The following TCN2 variants were observed in gnomAD, a reference collection of about 807,000 sequenced individuals.
The protein encoded by TCN2 is transcobalamin-2.
TCN2 carries 34 observed loss-of-function variants against 48.6 expected under a neutral mutation model. The ratio of observed to expected loss-of-function variants is 0.70; its 90% CI spans 0.53 to 0.93. The LOEUF (loss-of-function observed/expected upper bound fraction) is 0.93. TCN2 is among the 40% of genes least tolerant of loss of function. TCN2 has a pLI of 0.00. For synonymous variants in TCN2, 283 were observed against 212.5 expected (o/e 1.33, Z -2.89); for missense variants, 652 against 526.1 (o/e 1.24, Z -2.34).
chr22:30,623,211 T>G, intron 8 of TCN2, 128 bp downstream of exon 8: 1 of 826,724 alleles, frequency 1.2e-6, no homozygotes, highest in Non-Finnish European at 2.0e-6. Context: ...TCACTGATGC[T>G]CAAAGTTGGA....
intron 7 of TCN2, among the ~76,000 whole-genome samples, chr22:30,619,403 A>G (rs767219510): frequency 1.3e-5 from 2 of 152,232 alleles, no homozygotes; most frequent in East Asian, 1.9e-4. Context: ...TTATTATGAA[A>G]TAAGTTTGGC....
intron 8 of TCN2, among the ~76,000 whole-genome samples, chr22:30,625,047 T>G (rs1218683494): frequency 6.6e-6 from 1 of 152,052 alleles, no homozygotes; most frequent in Non-Finnish European, 1.5e-5. Context: ...TGAAACCCTG[T>G]CTCTACTAAA....
chr22:30,614,591 T>A (rs1166914033), intron 4 of TCN2, 90 bp downstream of exon 4: 7 of 1,557,142 alleles, frequency 4.5e-6, no homozygotes, highest in Non-Finnish European at 6.1e-6. Flanking sequence ...GCCCCCACAC[T>A]CACCTTTCCT....
intron 8 of TCN2, among the ~76,000 whole-genome samples, chr22:30,623,949 T>TATATACACACAC (rs1555896286): frequency 1.5e-5 from 1 of 68,064 alleles, no homozygotes; most frequent in Admixed American, 1.6e-4. Flanking sequence ...CACACACACA[T>TATATACACACAC]ATGTATACAT....
intron 6 of TCN2, 145 bp from the exon 7 acceptor site, chr22:30,617,185 C>T (rs2145547733): frequency 2.7e-6 from 3 of 1,124,348 alleles, no homozygotes; most frequent in East Asian, 2.6e-5. Context: ...AGCCAGGTTT[C>T]AGCTGAGCAG....
intron 2 of TCN2, among the ~76,000 whole-genome samples, chr22:30,611,879 G>A (rs1384349510): frequency 6.6e-6 from 1 of 152,156 alleles, no homozygotes; most frequent in African/African-American, 2.4e-5. Flanking sequence ...TGAATGAGAG[G>A]CGAAGAATCA....
rs1004128730 is a variant in TCN2, at chr22:30,614,568, C to T, written c.580+67C>T. ...TCAGTCCCCAGGTCTGCACTGATGACCTCCATACCCTGGCCCCCACACTCA... is the reference window on the plus strand; with the variant it reads ...TCAGTCCCCAGGTCTGCACTGATGATCTCCATACCCTGGCCCCCACACTCA... On this transcript the variant is annotated intron_variant, in intron 4 of 8. Transcript: ENST00000215838. 9.3e-5 allele frequency: 149 copies of T among 1,600,160 alleles called. 7 individuals are homozygous for T. The South Asian group carries it at 1.3e-3, about 14-fold the overall frequency.
intron 2 of TCN2, among the ~76,000 whole-genome samples, chr22:30,611,668 C>T (rs1464754565): frequency 6.6e-6 from 1 of 152,180 alleles, no homozygotes; most frequent in Non-Finnish European, 1.5e-5. Context: ...CCACCATGCC[C>T]AGCTGATTTT....
intron 3 of TCN2, among the ~76,000 whole-genome samples, chr22:30,613,501 A>C (rs991100267): frequency 6.6e-6 from 1 of 151,878 alleles, no homozygotes; most frequent in Non-Finnish European, 1.5e-5. Context: ...CTGGTCTCGA[A>C]CTCCTGACCT....
chr22:30,614,200 AGCACGT>A (rs2145542329), intron 3 of TCN2, 143 bp from the exon 4 acceptor site: 2 of 1,054,956 alleles, frequency 1.9e-6, no homozygotes, highest in Non-Finnish European at 1.4e-6. Context: ...GTGAGACCTC[AGCACGT>A]ATGGGCTGAG....
At chr22:30,622,599 C>T (rs2087714888) in intron 7 of TCN2, among the ~76,000 whole-genome samples, 3 of 152,272 alleles carry the variant, frequency 2.0e-5, no homozygotes, top group Middle Eastern at 3.4e-3. Context: ...GCAGGCTTCA[C>T]CCTCTCTCGT....
At chr22:30,614,302 G>T in intron 3 of TCN2, 47 bp from the exon 4 acceptor site, 3 of 1,599,562 alleles carry the variant, frequency 1.9e-6, no homozygotes, top group African/African-American at 1.3e-5. Context: ...GGGGCTGGCT[G>T]CTGGGTGGGG....
chr22:30,607,403 A>T lies in TCN2; in HGVS notation c.64+8A>T. 1 of 1,613,880 alleles carries T rather than the reference A, an allele frequency of 6.2e-7. No homozygotes were observed. The highest frequency in any genetic ancestry group is 8.5e-7 in the Non-Finnish European group (1 of 1,179,976). ...CCCTCACTGAGATGTGTGGTGAGTA[A>T]CTCGCCTCTATCCTGTGCCTCTTTC... On this transcript the variant is annotated splice_region_variant and intron_variant, in intron 1 of 8. Coordinates refer to ENST00000215838, the MANE Select transcript of TCN2 (RefSeq NM_000355.4).
chr22:30,610,253 T>TA (rs745688363), intron 1 of TCN2: 1 of 471,164 alleles, frequency 2.1e-6, no homozygotes, highest in Non-Finnish European at 4.4e-6. Flanking sequence ...GGAAAGGCGT[T>TA]ATTTTGAGAT....
At chr22:30,622,931 C>T (rs368408985) in intron 7 of TCN2, 37 bp from the exon 8 acceptor site, 47 of 1,602,420 alleles carry the variant, frequency 2.9e-5, no homozygotes, top group Non-Finnish European at 3.8e-5. Flanking sequence ...GGACAACAGC[C>T]ACCTCTTCTC....
chr22:30,611,397 A>G (rs1196572794), intron 2 of TCN2, among the ~76,000 whole-genome samples: 1 of 152,188 alleles, frequency 6.6e-6, no homozygotes, highest in African/African-American at 2.4e-5. Flanking sequence ...CTAATCGATG[A>G]CTGCAGTCTT....
chr22:30,615,462 T>C lies in TCN2; in HGVS notation c.742T>C (p.Leu248=), dbSNP rs963691753. The C allele has an allele frequency of 9.3e-6, 15 of 1,613,988 alleles. No homozygotes were observed. The highest frequency in any genetic ancestry group is 1.2e-5 in the Non-Finnish European group (14 of 1,180,020). ...CTTTGGGAATGTCTACAGCACCCCA[T>C]TGGCATTACAGGTGGGAAAGAGACC... is the stretch of plus-strand genomic sequence containing the variant. ...GHFGNVYSTP[L]ALQFLMTSPM... Residue 248 remains leucine, a synonymous_variant, in exon 5 of 9, where the codon TTG becomes CTG. Transcript: ENST00000215838.
In TCN2 at chr22:30,623,889, C is replaced by T. The variant is rs1163988968; in HGVS notation, c.1222+806C>T. ...ACATATATACACACATATATACACA[C>T]ATATATATGTATACATATATATACA... On this transcript the variant is annotated intron_variant, in intron 8 of 8. Coordinates refer to ENST00000215838, the MANE Select transcript of TCN2 (RefSeq NM_000355.4). Among the ~76,000 whole-genome samples the T allele has an allele frequency of 3.3e-4, 11 of 32,964 alleles. 1 individual carries two copies. Among genetic ancestry groups the T allele is most frequent in the South Asian group, 5.1e-4 (1 of 1,960 alleles). The allele number at this position is 32,964 out of a possible 152,430, so 21.6% of individuals were successfully genotyped here.
At chr22:30,623,917 CAT>C (rs67347003) in intron 8 of TCN2, among the ~76,000 whole-genome samples, 1,311 of 38,656 alleles carry the variant, frequency 0.034, 362 homozygotes, top group South Asian at 0.1. Flanking sequence ...TATATACACA[CAT>C]ATATATGTAT....
Sources: allele counts gnomAD v4.1 joint callset (sites outside exome capture counted in the v4.1 genomes callset), GRCh38; gene constraint gnomAD v4.1.1; transcripts MANE v1.5; gene names NCBI Gene and HGNC (gene_info 2026-07-23, HGNC 2026-07-21).